ARMCX4: variants seen among roughly 807,000 people sequenced by gnomAD.
The protein encoded by ARMCX4 is armadillo repeat-containing X-linked protein 4.
A neutral mutation model predicts 34.7 loss-of-function variants in ARMCX4; 3 were observed. That is an observed-to-expected ratio of 0.09 (90% CI 0.04 to 0.22). The LOEUF is 0.22. ARMCX4 is among the 10% of genes least tolerant of loss of function. The pLI is 1.00. For synonymous variants in ARMCX4, 513 were observed against 632.8 expected (o/e 0.81, Z 2.84); for missense variants, 1,448 against 1,720.8 (o/e 0.84, Z 2.81).
chrX:101,421,370 A>G (rs971826001), intron 2 of ARMCX4, among the ~76,000 whole-genome samples: 4 of 110,906 alleles, frequency 3.6e-5, no homozygotes, highest in Admixed American at 9.7e-5. Flanking sequence ...CATGGTTTAC[A>G]TGGAGGGGAT....
At chrX:101,515,622 T>G (rs945945652) in intron 11 of ARMCX4, among the ~76,000 whole-genome samples, 1 of 104,391 alleles carries the variant, frequency 9.6e-6, no homozygotes, top group East Asian at 3.0e-4. Context: ...CACTGCTACC[T>G]CCGCCTCCTA....
intron 11 of ARMCX4, among the ~76,000 whole-genome samples, chrX:101,520,463 T>G (rs1199211469): frequency 8.9e-6 from 1 of 112,064 alleles, no homozygotes; most frequent in Non-Finnish European, 1.9e-5. Context: ...ATCAAGCATT[T>G]TTTATTATGA....
chrX:101,533,859 A>G (rs1350738689), downstream of ARMCX4, among the ~76,000 whole-genome samples: 1 of 111,511 alleles, frequency 9.0e-6, no homozygotes, highest in African/African-American at 3.3e-5. Flanking sequence ...GTCAACCAAG[A>G]GAAAGAAATG....
chrX:101,444,864 C>T (rs1931531092), intron 3 of ARMCX4, among the ~76,000 whole-genome samples: 1 of 111,213 alleles, frequency 9.0e-6, no homozygotes, highest in Non-Finnish European at 1.9e-5. Flanking sequence ...TTAAGATCTA[C>T]TCTCTTAGCA....
At chrX:101,463,713 T>G (rs1234155690) in intron 4 of ARMCX4, among the ~76,000 whole-genome samples, 1 of 111,503 alleles carries the variant, frequency 9.0e-6, no homozygotes, top group Non-Finnish European at 1.9e-5. Context: ...CTTGCTACAA[T>G]TAAGTGCCTA....
chrX:101,515,343 TTTTCTTTCTTTC>T (rs782364891), intron 11 of ARMCX4, among the ~76,000 whole-genome samples: 5 of 16,994 alleles, frequency 2.9e-4, no homozygotes, highest in Non-Finnish European at 5.3e-4. Flanking sequence ...TTTCCTTTCC[TTTTCTTTCTTTC>T]TTTCTTTCTT....
chrX:101,495,108 G>T lies in ARMCX4; in HGVS notation c.6519G>T (p.Thr2173=). ...TTTCAGAATTTCTTCGTTTGTTAAC[G>T]GTGGGAAGTGGAGAAACTAAAGACC... ...NYISEFLRLL[T]VGSGETKDHV... The change falls in exon 6 of 6, where the codon ACG becomes ACT. Residue 2173 remains threonine, a synonymous_variant. Coordinates refer to ENST00000423738, the MANE Select transcript of ARMCX4 (RefSeq NM_001256155.3). 1 of 1,154,241 alleles carries T rather than the reference G, an allele frequency of 8.7e-7. No individual in the cohort carries two copies. The highest frequency in any genetic ancestry group is 1.1e-6 in the Non-Finnish European group (1 of 871,507).
chrX:101,499,298 A>G (rs1259898253), downstream of ARMCX4: 1 of 112,004 alleles, frequency 8.9e-6, no homozygotes, highest in East Asian at 2.8e-4. Context: ...CATGGCGTAC[A>G]TAAAGTGAGG....
intron 11 of ARMCX4, among the ~76,000 whole-genome samples, chrX:101,528,155 C>T (rs1384745074): frequency 8.9e-6 from 1 of 111,794 alleles, no homozygotes; most frequent in Non-Finnish European, 1.9e-5. Flanking sequence ...TGGCTTCATC[C>T]CTGGGATGCA....
downstream of ARMCX4, among the ~76,000 whole-genome samples, chrX:101,534,173 G>C (rs73250696): frequency 0.064 from 7,173 of 111,629 alleles, 237 homozygotes; most frequent in Non-Finnish European, 0.1. Context: ...ATAACCTACA[G>C]TGTGCCAGGC....
rs1556008666 is a variant in ARMCX4, at chrX:101,490,848, G to A, written c.2259G>A (p.Val753=). The A allele has an allele frequency of 1.8e-6, 2 of 1,110,999 alleles. No homozygotes were observed. The highest frequency in any genetic ancestry group is 2.4e-6 in the Non-Finnish European group (2 of 843,693). 91.6% of individuals were successfully genotyped at this position (1,110,999 alleles called of 1,213,427 possible). ...YTTDSARLQA[V]ANSQGEVLPG... ...CAGACTCTGCCCGGCTCCAGGCTGT[G>A]GCCAATTCTCAGGGTGAGGTCTTGC... The change falls in exon 6 of 6, where the codon GTG becomes GTA. Residue 753 remains valine (V), a synonymous_variant. Coordinates refer to ENST00000423738, the MANE Select transcript of ARMCX4 (RefSeq NM_001256155.3).
chrX:101,493,681 A>G lies in ARMCX4; in HGVS notation c.5092A>G (p.Arg1698Gly), dbSNP rs1934068574. 2 of 1,153,725 alleles carry G rather than the reference A, an allele frequency of 1.7e-6. No homozygotes were observed. The highest frequency in any genetic ancestry group is 4.6e-4 in the Middle Eastern group (2 of 4,302). The change falls in exon 6 of 6, where the codon AGG becomes GGG. Residue 1698 changes from arginine to glycine, a missense_variant. Arg to Gly is a moderately radical substitution (Grantham distance 125). Transcript: ENST00000423738. ...TGGGAATGAGGCCATTGGAGGATCT[A>G]GGATGGGATCTGAGGACCAGGCCAC... ...RPGNEAIGGSRMGSEDQATGG... is the reference protein window; with the variant it reads ...RPGNEAIGGSGMGSEDQATGG...
intron 11 of ARMCX4, among the ~76,000 whole-genome samples, chrX:101,512,867 T>TAC (rs1214038789): frequency 2.2e-5 from 2 of 90,750 alleles, no homozygotes; most frequent in Non-Finnish European, 4.3e-5. Context: ...TATGTATATA[T>TAC]ATGTAGAGAG....
intron 2 of ARMCX4, among the ~76,000 whole-genome samples, chrX:101,423,226 C>T (rs1929388076): frequency 9.1e-6 from 1 of 110,055 alleles, no homozygotes; most frequent in South Asian, 4.0e-4. Flanking sequence ...TAAATTTTAA[C>T]ATGAGTTTTG....
intron 4 of ARMCX4, among the ~76,000 whole-genome samples, chrX:101,457,769 G>T (rs1198087501): frequency 9.1e-6 from 1 of 109,723 alleles, no homozygotes; most frequent in African/African-American, 3.3e-5. Flanking sequence ...TTTAGACGGA[G>T]TCTCACTCTG....
At chrX:101,516,605 G>A (rs942592527) in intron 11 of ARMCX4, 1 of 111,302 alleles carries the variant, frequency 9.0e-6, no homozygotes, top group African/African-American at 3.3e-5. Flanking sequence ...AAAGGAAAAG[G>A]AGTCAGGCTG....
chrX:101,502,280 C>T (rs1556013859), intron 7 of ARMCX4, among the ~76,000 whole-genome samples: 1 of 112,056 alleles, frequency 8.9e-6, no homozygotes, highest in East Asian at 2.8e-4. Flanking sequence ...CTTGCTCTGT[C>T]ACCCAGGCTG....
At chrX:101,511,419 C>T (rs1556016331) in intron 11 of ARMCX4, among the ~76,000 whole-genome samples, 4 of 110,944 alleles carry the variant, frequency 3.6e-5, no homozygotes, top group African/African-American at 1.3e-4. Flanking sequence ...ATATTCTTAT[C>T]TATTTATGGA....
At chrX:101,475,978 G>A (rs1933169608) in intron 4 of ARMCX4, among the ~76,000 whole-genome samples, 2 of 111,060 alleles carry the variant, frequency 1.8e-5, no homozygotes, top group African/African-American at 3.3e-5. Context: ...CACAATTGAT[G>A]TGCTTTAACT....
Sources: gnomAD v4.1 joint callset for allele counts (sites outside exome capture counted in the v4.1 genomes callset) on GRCh38, gnomAD v4.1.1 for gene constraint, MANE v1.5 for transcripts, NCBI Gene and HGNC (gene_info 2026-07-23, HGNC 2026-07-21) for gene names.